SSR3: variants seen among roughly 807,000 people sequenced by gnomAD.
The protein encoded by SSR3 is translocon-associated protein subunit gamma.
A neutral mutation model predicts 22.1 loss-of-function variants in SSR3; 10 were observed. That is an observed-to-expected ratio of 0.45 (90% CI 0.28 to 0.77). The LOEUF (loss-of-function observed/expected upper bound fraction) is 0.77. Ranked by LOEUF, SSR3 falls within the 30% of genes least tolerant of loss-of-function variation. The probability of loss-of-function intolerance (pLI) is 0.13; values close to 1 mark genes in which losing one functional copy is unlikely to be tolerated. For synonymous variants in SSR3, 104 were observed against 82.5 expected (o/e 1.26, Z -1.42); for missense variants, 181 against 220.5 (o/e 0.82, Z 1.13).
intron 3 of SSR3, among the ~76,000 whole-genome samples, chr3:156,545,438 G>A (rs1719726385): frequency 6.6e-6 from 1 of 152,134 alleles, no homozygotes; most frequent in Non-Finnish European, 1.5e-5. Context: ...AGGCCACTTT[G>A]TAGACACTTT....
At chr3:156,551,026 C>A (rs1369113141) in intron 2 of SSR3, among the ~76,000 whole-genome samples, 1 of 152,184 alleles carries the variant, frequency 6.6e-6, no homozygotes, top group African/African-American at 2.4e-5. Flanking sequence ...CCTTCTACTG[C>A]CAACAGCTAC....
chr3:156,546,773 C>A (rs1325531013), intron 3 of SSR3, among the ~76,000 whole-genome samples: 9 of 152,180 alleles, frequency 5.9e-5, no homozygotes, highest in Non-Finnish European at 1.2e-4. Context: ...AATGATAGAT[C>A]ACCTGTAAAT....
Position 156,555,092 on chromosome 3 carries a change from C to A in SSR3, c.-3G>T, listed in dbSNP as rs746152394. 2 of 1,612,978 alleles carry A rather than the reference C, an allele frequency of 1.2e-6. No individual in the cohort carries two copies. The highest frequency in any genetic ancestry group is 2.2e-5 in the East Asian group (1 of 44,872). ...TTGGAGCTGCCTTTAGGAGCCATGG[C>A]GGAGCTGCAGGCGAGAACAGGGAAC... On this transcript the variant is annotated 5_prime_UTR_variant, in exon 1 of 5. Coordinates refer to ENST00000265044, the MANE Select transcript of SSR3 (RefSeq NM_007107.5).
At chr3:156,552,489 C>G (rs909454656) in intron 2 of SSR3, among the ~76,000 whole-genome samples, 15 of 152,116 alleles carry the variant, frequency 9.9e-5, no homozygotes, top group Non-Finnish European at 2.2e-4. Flanking sequence ...GGGCCCTAAA[C>G]TTGTTTTAAA....
Position 156,553,707 on chromosome 3 carries a change from T to C in SSR3, c.208A>G (p.Thr70Ala), listed in dbSNP as rs571357869. The change falls in exon 2 of 5, where the codon ACA becomes GCA. Residue 70 changes from threonine to alanine, a missense_variant. Physicochemically the swap from Thr to Ala is moderately conservative, Grantham distance 58. Transcript: ENST00000265044. Reference protein sequence around the residue: ...VLYSVMTLVSTYLVAFAYKNV... With the variant: ...VLYSVMTLVSAYLVAFAYKNV... Reference sequence around the variant, plus strand: ...TTGTATGCAAAGGCTACCAAATATGTGCTTACTAGGGTCATCACACTATAC... The same window carrying C: ...TTGTATGCAAAGGCTACCAAATATGCGCTTACTAGGGTCATCACACTATAC... 1 of 1,612,834 alleles carries C rather than the reference T, an allele frequency of 6.2e-7. No individual in the cohort carries two copies. The highest frequency in any genetic ancestry group is 1.3e-5 in the African/African-American group (1 of 75,016).
rs1165308982 is a variant in SSR3, at chr3:156,539,633, C to A, written c.*3570G>T. ...TATCGCCCTGAAAATTTAAACCAAC[C>A]CCCCAAAAGACCCTCCTAATCTATT... On this transcript the variant is annotated 3_prime_UTR_variant, in exon 5 of 5. Transcript: ENST00000265044. Among the ~76,000 whole-genome samples the A allele has an allele frequency of 6.6e-6, 1 of 151,480 alleles. No individual in the cohort carries two copies. The highest frequency in any genetic ancestry group is 1.5e-5 in the Non-Finnish European group (1 of 67,998).
In SSR3 at chr3:156,543,204, T is replaced by G; in HGVS notation, c.557A>C (p.Ter186SerextTer21). 6.2e-7 allele frequency: 1 copy of G among 1,613,694 alleles called. No homozygotes were observed. The highest frequency in any genetic ancestry group is 8.5e-7 in the Non-Finnish European group (1 of 1,179,876). The change falls in exon 5 of 5, where the codon TAG becomes TCG. Residue 186 changes from the stop codon to serine (S), a stop_lost. Coordinates refer to ENST00000265044, the MANE Select transcript of SSR3 (RefSeq NM_007107.5). ...LIALLSTGSK* is the reference protein window; with the variant it reads ...LIALLSTGSKS ...GCCAGGGGGTGAAGCTGACATGGTC[T>G]ATTTGGAGCCAGTAGACAGGAGGGC...
chr3:156,548,777 C>T (rs1261012650), intron 3 of SSR3, 128 bp downstream of exon 3: 1 of 1,081,270 alleles, frequency 9.2e-7, no homozygotes, highest in Non-Finnish European at 1.3e-6. Flanking sequence ...ATTTCCATTA[C>T]TACTACTACT....
At chr3:156,543,291 G>A in intron 4 of SSR3, 22 bp from the exon 5 acceptor site, 1 of 1,597,602 alleles carries the variant, frequency 6.3e-7, no homozygotes, top group Non-Finnish European at 8.6e-7. Context: ...TTAATGTTAT[G>A]GAAAAATGAG....
intron 3 of SSR3, among the ~76,000 whole-genome samples, chr3:156,545,694 A>G (rs1272204325): frequency 6.6e-6 from 1 of 152,302 alleles, no homozygotes; most frequent in African/African-American, 2.4e-5. Context: ...CATCGACTTA[A>G]TAACTCTTCC....
At chr3:156,543,333 G>A in intron 4 of SSR3, 64 bp from the exon 5 acceptor site, 1 of 1,291,286 alleles carries the variant, frequency 7.7e-7, no homozygotes, top group Non-Finnish European at 1.1e-6. Flanking sequence ...AGAAAATAAA[G>A]AGCCCATCTC....
chr3:156,548,366 T>C (rs1719833547), intron 3 of SSR3, among the ~76,000 whole-genome samples: 1 of 152,196 alleles, frequency 6.6e-6, no homozygotes, highest in South Asian at 2.1e-4. Flanking sequence ...TTATGGGATA[T>C]CCCTCGGGAA....
At chr3:156,549,739 A>T (rs75641933) in intron 2 of SSR3, among the ~76,000 whole-genome samples, 2,023 of 152,350 alleles carry the variant, frequency 0.013, 41 homozygotes, top group African/African-American at 0.046. Flanking sequence ...TATTTTTTAA[A>T]AGGTTTACAA....
In SSR3 at chr3:156,553,665, G is replaced by T; in HGVS notation, c.250C>A (p.Leu84Ile). The T allele has an allele frequency of 6.2e-7, 1 of 1,611,150 alleles. No homozygotes were observed. Among genetic ancestry groups the T allele is most frequent in the South Asian group, 1.1e-5 (1 of 90,642 alleles). ...AFAYKNVKFV[L>I]KHKVAQKRED... ...GAAAAACATACTTACTTGTGCTTGAGAACAAATTTCACATTCTTGTATGCA... is the reference window on the plus strand; with the variant it reads ...GAAAAACATACTTACTTGTGCTTGATAACAAATTTCACATTCTTGTATGCA... The change falls in exon 2 of 5, where the codon CTC becomes ATC. Residue 84 changes from leucine to isoleucine, a missense_variant. By Grantham distance (5) the Leu-to-Ile change is conservative. Coordinates refer to ENST00000265044, the MANE Select transcript of SSR3 (RefSeq NM_007107.5).
intron 3 of SSR3, among the ~76,000 whole-genome samples, chr3:156,547,533 C>A (rs1267290745): frequency 6.6e-6 from 1 of 152,188 alleles, no homozygotes; most frequent in Non-Finnish European, 1.5e-5. Context: ...GATTTTCTAA[C>A]CTTGATCCCT....
intron 3 of SSR3, among the ~76,000 whole-genome samples, chr3:156,546,918 G>A (rs545265584): frequency 6.6e-6 from 1 of 152,272 alleles, no homozygotes; most frequent in South Asian, 2.1e-4. Flanking sequence ...CCAAATGAAT[G>A]TAGACAGAGC....
chr3:156,551,146 A>G (rs1719938438), intron 2 of SSR3, among the ~76,000 whole-genome samples: 1 of 152,228 alleles, frequency 6.6e-6, no homozygotes, highest in Non-Finnish European at 1.5e-5. Context: ...GACTTAAAAA[A>G]AAAACCTCCA....
At chr3:156,553,888 T>C in intron 1 of SSR3, 107 bp from the exon 2 acceptor site, 1 of 1,133,562 alleles carries the variant, frequency 8.8e-7, no homozygotes, top group Non-Finnish European at 1.2e-6. Flanking sequence ...AAATACCAGG[T>C]TATTAGTTAT....
rs751040914 is a variant in SSR3 at position 156,540,605 on chromosome 3, C to CAAAAAAAAA, written c.*2589_*2597dup. Reference sequence around the variant, plus strand: ...TGGGTGACAGAGCGAGACGCTGTCTCAAAAAAAAAAAAAAAAAAAAAAGAA... The same window carrying CAAAAAAAAA: ...TGGGTGACAGAGCGAGACGCTGTCTCAAAAAAAAAAAAAAAAAAAAAAAAAAAAAAAGAA... On this transcript the variant is annotated 3_prime_UTR_variant, in exon 5 of 5. Coordinates refer to ENST00000265044, the MANE Select transcript of SSR3 (RefSeq NM_007107.5). 4.2e-5 allele frequency: 3 copies of CAAAAAAAAA among 71,846 alleles called. No individual in the cohort carries two copies. Among genetic ancestry groups the CAAAAAAAAA allele is most frequent in the Non-Finnish European group, 7.3e-5 (3 of 41,030 alleles). 4.5% of individuals were successfully genotyped at this position (71,846 alleles called of 1,614,324 possible). A position where few individuals can be genotyped will look rare whatever the true frequency, so the allele number is the denominator to read the frequency against.
Sources: gnomAD v4.1 joint callset for allele counts (sites outside exome capture counted in the v4.1 genomes callset) on GRCh38, gnomAD v4.1.1 for gene constraint, MANE v1.5 for transcripts, NCBI Gene and HGNC (gene_info 2026-07-23, HGNC 2026-07-21) for gene names.